The following PCDHGB6 variants were observed in gnomAD, a reference collection of about 807,000 sequenced individuals.
The protein encoded by PCDHGB6 is protocadherin gamma-B6.
Under a neutral mutation model 59.1 loss-of-function variants are expected in PCDHGB6, and 51 were observed. The ratio of observed to expected loss-of-function variants is 0.86; its 90% CI spans 0.69 to 1.09. PCDHGB6 has a LOEUF of 1.09. PCDHGB6 is among the 50% of genes least tolerant of loss of function. The probability of loss-of-function intolerance (pLI) is 0.00; values close to 1 mark genes in which losing one functional copy is unlikely to be tolerated. For missense variants in PCDHGB6, 1,148 were observed against 1,205.1 expected, an observed-to-expected ratio of 0.95 and a Z score of 0.70; for synonymous variants, 466 against 495.1, an observed-to-expected ratio of 0.94 and a Z score of 0.78.
chr5:141,444,467 G>A (rs1288596542), intron 1 of PCDHGB6, among the ~76,000 whole-genome samples: 3 of 151,998 alleles, frequency 2.0e-5, no homozygotes, highest in African/African-American at 4.8e-5. Flanking sequence ...CACTGCGCCC[G>A]GTCGCGTACT....
chr5:141,468,049 G>C (rs2099156671), intron 1 of PCDHGB6, among the ~76,000 whole-genome samples: 1 of 152,068 alleles, frequency 6.6e-6, no homozygotes, highest in African/African-American at 2.4e-5. Context: ...ACTAAGCCGG[G>C]CACAGTGGCT....
intron 1 of PCDHGB6, among the ~76,000 whole-genome samples, chr5:141,470,459 AT>A: frequency 6.6e-6 from 1 of 152,096 alleles, no homozygotes; most frequent in East Asian, 1.9e-4. Flanking sequence ...CTTGAATAGG[AT>A]TTTCTGATAT....
intron 1 of PCDHGB6, among the ~76,000 whole-genome samples, chr5:141,450,038 A>G (rs2098666630): frequency 8.1e-6 from 1 of 124,190 alleles, no homozygotes; most frequent in African/African-American, 3.3e-5. Context: ...ACAGGGTCTC[A>G]CTCTTTCGCC....
At position 141,487,382 on chromosome 5, in the gene PCDHGB6, T is replaced by A. The variant is rs755316738; in HGVS notation, c.2419-7425T>A. 6.2e-7 allele frequency: 1 copy of A among 1,614,172 alleles called. No individual in the cohort carries two copies. The highest frequency in any genetic ancestry group is 2.2e-5 in the East Asian group (1 of 44,854). On this transcript the variant is annotated intron_variant, in intron 1 of 3. Transcript: ENST00000520790. The surrounding 1 kb of genome is among the most constrained non-coding windows in gnomAD (Gnocchi z 5.0). ...TGGCACCTGTGCCTGTCTCACCAGA[T>A]CTCGAAGGAGGGAGGGGCTTCCCCC...
chr5:141,410,661 A>G, intron 1 of PCDHGB6, 41 bp downstream of exon 1: 1 of 1,572,394 alleles, frequency 6.4e-7, no homozygotes, highest in Non-Finnish European at 8.6e-7. Context: ...CTAATAGTCT[A>G]CTAGTTTCTC....
intron 1 of PCDHGB6, chr5:141,422,081 T>C: frequency 2.5e-6 from 4 of 1,612,346 alleles, no homozygotes; most frequent in Non-Finnish European, 3.4e-6. Context: ...TTTCGGAACA[T>C]GGAAAGCAAG....
At chr5:141,478,063 A>G in intron 1 of PCDHGB6, 1 of 1,614,168 alleles carries the variant, frequency 6.2e-7, no homozygotes, top group Non-Finnish European at 8.5e-7. Context: ...TCTTGATCAA[A>G]GACAATGGGG....
rs921020435 is a variant in PCDHGB6, at chr5:141,477,853, G to A, written c.2419-16954G>A. 5.0e-6 allele frequency: 8 copies of A among 1,613,344 alleles called. No homozygotes were observed. The East Asian group carries it at 1.6e-4, about 31-fold the overall frequency. On this transcript the variant is annotated intron_variant, in intron 1 of 3. Coordinates refer to ENST00000520790, the MANE Select transcript of PCDHGB6 (RefSeq NM_018926.3). The surrounding 1 kb of genome is among the most constrained non-coding windows in gnomAD (Gnocchi z 4.9). The stretch of plus-strand genomic sequence containing the variant: ...GGCCAGGTGGGAGCTCGGTGGAGAT[G>A]CTGCCTCGAGGTACCTCAGCTGGCC...
At chr5:141,453,811 A>G (rs541081089) in intron 1 of PCDHGB6, among the ~76,000 whole-genome samples, 1 of 152,350 alleles carries the variant, frequency 6.6e-6, no homozygotes, top group Admixed American at 6.5e-5. Context: ...AGTTCCATAA[A>G]GGACAAACTT....
chr5:141,424,655 TTTAA>T (rs1162406206), intron 1 of PCDHGB6: 3 of 152,238 alleles, frequency 2.0e-5, no homozygotes, highest in Non-Finnish European at 4.4e-5. Flanking sequence ...GTATTTGGAC[TTTAA>T]TTAAACTGAT....
At chr5:141,415,285 G>A (rs1561755891) in intron 1 of PCDHGB6, 3 of 1,614,216 alleles carry the variant, frequency 1.9e-6, no homozygotes, top group Non-Finnish European at 2.5e-6. Context: ...GGTGGCCGCG[G>A]TCTCCTGCGT....
rs747159210 is a variant in PCDHGB6, at chr5:141,511,184, A to C, written c.*11A>C. 1.2e-5 allele frequency: 19 copies of C among 1,613,876 alleles called. No homozygotes were observed. In the Admixed American group the frequency reaches 3.2e-4, roughly 27 times the overall value. ...AAGGAGAAGAAGTAACATGGAGGCC[A>C]GGCCAAGAGCCACAGGGCGGCCTCT... is the stretch of plus-strand genomic sequence containing the variant. On this transcript the variant is annotated 3_prime_UTR_variant, in exon 4 of 4. Transcript: ENST00000520790.
chr5:141,499,150 T>C (rs1424635509), intron 2 of PCDHGB6, among the ~76,000 whole-genome samples: 5 of 152,180 alleles, frequency 3.3e-5, no homozygotes, highest in Non-Finnish European at 1.5e-5. Context: ...CTGATCCCAA[T>C]AGCTGTTGTC....
In PCDHGB6 at chr5:141,422,644, T is replaced by C. The variant is rs770618826; in HGVS notation, c.2418+12024T>C. 9 of 1,612,266 alleles carry C rather than the reference T, an allele frequency of 5.6e-6. No homozygotes were observed. The Admixed American group carries it at 1.5e-4, about 27-fold the overall frequency. ...AAACAACCCCAGGGGTGCCTCCATC[T>C]TCTCAGTGACCGCCCTCGACCCGGA... On this transcript the variant is annotated intron_variant, in intron 1 of 3. Coordinates refer to ENST00000520790, the MANE Select transcript of PCDHGB6 (RefSeq NM_018926.3).
chr5:141,483,589 G>A (rs189449393), intron 1 of PCDHGB6, among the ~76,000 whole-genome samples: 17 of 152,214 alleles, frequency 1.1e-4, no homozygotes, highest in Admixed American at 1.1e-3. Context: ...ACACCTAATA[G>A]GTCAGGCTGG....
rs1472816403 is a variant in PCDHGB6 at position 141,451,473 on chromosome 5, C to T, written c.2418+40853C>T. On this transcript the variant is annotated intron_variant, in intron 1 of 3. Transcript: ENST00000520790. ...TGTTAGCTTGAGGTCTACCTCAGTTCCTTGCCATGTGGACCTCCATAGGGC... is the reference window on the plus strand; with the variant it reads ...TGTTAGCTTGAGGTCTACCTCAGTTTCTTGCCATGTGGACCTCCATAGGGC... Among the ~76,000 whole-genome samples the T allele has an allele frequency of 2.0e-5, 3 of 152,218 alleles. No homozygotes were observed. In the East Asian group the frequency reaches 5.8e-4, roughly 29 times the overall value.
At chr5:141,482,458 C>T (rs986628162) in intron 1 of PCDHGB6, among the ~76,000 whole-genome samples, 1 of 147,624 alleles carries the variant, frequency 6.8e-6, no homozygotes, top group Non-Finnish European at 1.5e-5. Context: ...ATTAGCATCC[C>T]TATGTGCCAG....
In PCDHGB6 at chr5:141,491,163, C is replaced by T; in HGVS notation, c.2419-3644C>T. On this transcript the variant is annotated intron_variant, in intron 1 of 3. Transcript: ENST00000520790. The surrounding 1 kb of genome is among the most constrained non-coding windows in gnomAD (Gnocchi z 6.9). ...CCTTACTGGAGGATGACTCTGACAC[C>T]CAGCAGGTGGTGGTCCTGGTGAGGG... is the stretch of plus-strand genomic sequence containing the variant. 1 of 1,614,092 alleles carries T rather than the reference C, an allele frequency of 6.2e-7. No homozygotes were observed. Among genetic ancestry groups the T allele is most frequent in the Non-Finnish European group, 8.5e-7 (1 of 1,179,950 alleles).
At chr5:141,457,784 T>G (rs1021614051) in intron 1 of PCDHGB6, among the ~76,000 whole-genome samples, 1 of 152,210 alleles carries the variant, frequency 6.6e-6, no homozygotes, top group Non-Finnish European at 1.5e-5. Flanking sequence ...TACCTGTGAG[T>G]TGGGTTATCC....
Sources: gnomAD v4.1 joint callset for allele counts (sites outside exome capture counted in the v4.1 genomes callset) on GRCh38, gnomAD v4.1.1 for gene constraint, Gnocchi (gnomAD v3.1) non-coding constraint, MANE v1.5 for transcripts, NCBI Gene and HGNC (gene_info 2026-07-23, HGNC 2026-07-21) for gene names.